RBAK: variants seen among roughly 807,000 people sequenced by gnomAD.
RBAK encodes the protein RB associated KRAB zinc finger, also known as RB-associated KRAB zinc finger protein.
A neutral mutation model predicts 65.8 loss-of-function variants in RBAK; 39 were observed. The observed-to-expected ratio is 0.59, with a 90% CI of 0.46 to 0.77. The LOEUF is 0.77. Among genes scored for constraint, RBAK ranks in the 30% least tolerant of loss-of-function variants. The probability of loss-of-function intolerance (pLI) is 0.00; values close to 1 mark genes in which losing one functional copy is unlikely to be tolerated. For missense variants in RBAK, 884 were observed against 855.1 expected (o/e 1.03, Z -0.42); for synonymous variants, 343 against 289.7 (o/e 1.18, Z -1.87).
chr7:5,062,334 G>T (rs936496393), intron 4 of RBAK, among the ~76,000 whole-genome samples: 1 of 152,128 alleles, frequency 6.6e-6, no homozygotes, highest in Non-Finnish European at 1.5e-5. Context: ...TTTAAAGCTG[G>T]GCGTCCGGGG....
At position 5,046,260 on chromosome 7, in the gene RBAK, G is replaced by T. The variant is rs1287547552; in HGVS notation, c.-181G>T. On this transcript the variant is annotated 5_prime_UTR_variant, in exon 1 of 5. Transcript: ENST00000396912. ...CGCCTGGATTTGCCCCTTAGGCCCGGCCCGGGCCCCTCGGGAGCAGAACAA... is the reference window on the plus strand; with the variant it reads ...CGCCTGGATTTGCCCCTTAGGCCCGTCCCGGGCCCCTCGGGAGCAGAACAA... The T allele has an allele frequency of 3.9e-6, 2 of 515,632 alleles. No individual in the cohort carries two copies. The highest frequency in any genetic ancestry group is 1.9e-5 in the African/African-American group (1 of 51,886). 31.9% of individuals were successfully genotyped at this position (515,632 alleles called of 1,614,324 possible).
chr7:5,064,085 G>C lies in RBAK; in HGVS notation c.629G>C (p.Cys210Ser). The change falls in exon 5 of 5, where the codon TGC (cysteine) becomes TCC (serine). Residue 210 changes from cysteine to serine, a missense_variant. Transcript: ENST00000396912. This position sits in a 1 kb window ranked among gnomAD's most constrained non-coding sequence, Gnocchi z 6.3. ...ILEKPFEYNECMEALDNEAVF... is the reference protein window; with the variant it reads ...ILEKPFEYNESMEALDNEAVF... ...GAGAAACCCTTTGAATATAATGAAT[G>C]CATGGAAGCCTTAGACAATGAGGCT... The C allele has an allele frequency of 6.2e-7, 1 of 1,613,866 alleles. No homozygotes were observed. Among genetic ancestry groups the C allele is most frequent in the Non-Finnish European group, 8.5e-7 (1 of 1,180,000 alleles).
chr7:5,058,667 C>T (rs1562537294), intron 4 of RBAK, among the ~76,000 whole-genome samples: 1 of 152,184 alleles, frequency 6.6e-6, no homozygotes, highest in Admixed American at 6.5e-5. Flanking sequence ...TTCCCCACTG[C>T]TCATGACCCG....
chr7:5,045,911 G>T lies in RBAK; in HGVS notation c.-530G>T. 1 of 351,710 alleles carries T rather than the reference G, an allele frequency of 2.8e-6. No individual in the cohort carries two copies. Among genetic ancestry groups the T allele is most frequent in the Non-Finnish European group, 5.4e-6 (1 of 183,820 alleles). The allele number at this position is 351,710 out of a possible 1,614,324, so 21.8% of individuals were successfully genotyped here. On this transcript the variant is annotated 5_prime_UTR_variant, in exon 1 of 5. The change creates a new upstream start codon in the 5' untranslated region. Transcript: ENST00000396912. ...AGGTCACCGCTTGCTCTAGTTCCCAGGCTTTGGCCTCCAGTGGACGAGAAT... is the reference window on the plus strand; with the variant it reads ...AGGTCACCGCTTGCTCTAGTTCCCATGCTTTGGCCTCCAGTGGACGAGAAT...
chr7:5,064,580 G>A lies in RBAK; in HGVS notation c.1124G>A (p.Cys375Tyr), dbSNP rs776213973. The A allele has an allele frequency of 6.2e-7, 1 of 1,614,102 alleles. No homozygotes were observed. The highest frequency in any genetic ancestry group is 8.5e-7 in the Non-Finnish European group (1 of 1,179,990). The change falls in exon 5 of 5, where the codon TGT becomes TAT. Residue 375 changes from cysteine to tyrosine, a missense_variant. Transcript: ENST00000396912. The surrounding 1 kb of genome is among the most constrained non-coding windows in gnomAD (Gnocchi z 6.3). ...CATTCAGGAGAGAGGCCCTATCCAT[G>A]TAACGAATGTGGGAAATCCTTCTCC... ...RNHSGERPYP[C>Y]NECGKSFSRK...
At position 5,057,381 on chromosome 7, in the gene RBAK, G is replaced by T. The variant is rs1354107492; in HGVS notation, c.102G>T (p.Arg34Ser). Residue 34 changes from arginine to serine, a missense_variant, in exon 3 of 5, where the codon AGG (arginine) becomes AGT (serine). By Grantham distance (110) the Arg-to-Ser change is moderately radical. Coordinates refer to ENST00000396912, the MANE Select transcript of RBAK (RefSeq NM_021163.4). ...QLDPDEKITY[R>S]DVMLENYSHL... ...ACCCTGATGAGAAGATAACTTACAG[G>T]GATGTGATGTTGGAGAACTATAGCC... 1.9e-6 allele frequency: 3 copies of T among 1,613,920 alleles called. No homozygotes were observed. Among genetic ancestry groups the T allele is most frequent in the African/African-American group, 1.3e-5 (1 of 74,838 alleles).
chr7:5,048,519 G>A lies in RBAK; in HGVS notation c.15+428G>A, dbSNP rs983191214. On this transcript the variant is annotated intron_variant, in intron 2 of 4. Coordinates refer to ENST00000396912, the MANE Select transcript of RBAK (RefSeq NM_021163.4). The surrounding 1 kb of genome is among the most constrained non-coding windows in gnomAD (Gnocchi z 4.4). Reference sequence around the variant, plus strand: ...GGAATGTGGAAATAGACATTGTCCTGTAAAATATAGTTAGTGTGGCAGATC... The same window carrying A: ...GGAATGTGGAAATAGACATTGTCCTATAAAATATAGTTAGTGTGGCAGATC... Among the ~76,000 whole-genome samples the A allele has an allele frequency of 4.6e-5, 7 of 152,204 alleles. No homozygotes were observed. Among genetic ancestry groups the A allele is most frequent in the Non-Finnish European group, 8.8e-5 (6 of 68,038 alleles).
At chr7:5,046,560 T>C (rs1364241439) in intron 1 of RBAK, among the ~76,000 whole-genome samples, 164 bp downstream of exon 1, 7 of 152,164 alleles carry the variant, frequency 4.6e-5, no homozygotes, top group Admixed American at 3.9e-4. Context: ...AGGCGCTGCA[T>C]GGGAAATCTG....
chr7:5,051,318 G>A (rs923850789), intron 2 of RBAK, among the ~76,000 whole-genome samples: 1 of 151,992 alleles, frequency 6.6e-6, no homozygotes, highest in African/African-American at 2.4e-5. Context: ...TCATTTATAT[G>A]CATATATACA....
In RBAK at chr7:5,064,578, A is replaced by G. The variant is rs770292911; in HGVS notation, c.1122A>G (p.Pro374=). 11 of 1,613,952 alleles carry G rather than the reference A, an allele frequency of 6.8e-6. No individual in the cohort carries two copies. Among genetic ancestry groups the G allele is most frequent in the East Asian group, 4.5e-5 (2 of 44,884 alleles). ...ATCATTCAGGAGAGAGGCCCTATCC[A>G]TGTAACGAATGTGGGAAATCCTTCT... ...QRNHSGERPY[P]CNECGKSFSR... Residue 374 remains proline, a synonymous_variant, in exon 5 of 5, where the codon CCA becomes CCG. Transcript: ENST00000396912. This position sits in a 1 kb window ranked among gnomAD's most constrained non-coding sequence, Gnocchi z 6.3.
Position 5,065,321 on chromosome 7 carries a change from C to G in RBAK, c.1865C>G (p.Pro622Arg). The G allele has an allele frequency of 6.2e-7, 1 of 1,613,816 alleles. No homozygotes were observed. Residue 622 changes from proline to arginine, a missense_variant, in exon 5 of 5, where the codon CCC (proline) becomes CGC (arginine). Physicochemically the swap from Pro to Arg is moderately radical, Grantham distance 103. Coordinates refer to ENST00000396912, the MANE Select transcript of RBAK (RefSeq NM_021163.4). The surrounding 1 kb of genome is among the most constrained non-coding windows in gnomAD (Gnocchi z 5.3). ...IHHRIHSGEK[P>R]YECSKCGKVF... ...CATCGAATTCATTCAGGAGAGAAAC[C>G]CTATGAATGTAGTAAATGTGGAAAA...
chr7:5,058,809 T>C (rs1779000588), intron 4 of RBAK, among the ~76,000 whole-genome samples: 2 of 152,272 alleles, frequency 1.3e-5, no homozygotes, highest in Non-Finnish European at 2.9e-5. Flanking sequence ...CCCTAGGACC[T>C]GTTTTCCACT....
At position 5,048,895 on chromosome 7, in the gene RBAK, G is replaced by A. The variant is rs1040176630; in HGVS notation, c.15+804G>A. ...GCGCTACACACTTTTAAACAACCAC[G>A]TCTTGTGATAAGTCACTGAGTGTCA... On this transcript the variant is annotated intron_variant, in intron 2 of 4. Transcript: ENST00000396912. This position sits in a 1 kb window ranked among gnomAD's most constrained non-coding sequence, Gnocchi z 4.4. Among the ~76,000 whole-genome samples, 1 of 152,124 alleles carries A rather than the reference G, an allele frequency of 6.6e-6. No homozygotes were observed. The highest frequency in any genetic ancestry group is 2.4e-5 in the African/African-American group (1 of 41,412).
chr7:5,047,589 C>A (rs1788018245), intron 1 of RBAK, among the ~76,000 whole-genome samples: 1 of 140,306 alleles, frequency 7.1e-6, no homozygotes, highest in Non-Finnish European at 1.5e-5. Flanking sequence ...GCCTATCACT[C>A]TTTTTCACTC....
chr7:5,056,533 A>G (rs1309239532), intron 2 of RBAK, among the ~76,000 whole-genome samples: 2 of 152,160 alleles, frequency 1.3e-5, no homozygotes, highest in African/African-American at 2.4e-5. Flanking sequence ...AAAGACTTCA[A>G]GTTAACTGAG....
intron 4 of RBAK, 36 bp downstream of exon 4, chr7:5,057,815 C>A (rs764392941): frequency 1.5e-5 from 24 of 1,611,650 alleles, no homozygotes; most frequent in Non-Finnish European, 2.0e-5. Flanking sequence ...AAAAAATGCT[C>A]ATCCCAGACC....
At chr7:5,051,152 T>C (rs888052156) in intron 2 of RBAK, among the ~76,000 whole-genome samples, 1 of 152,208 alleles carries the variant, frequency 6.6e-6, no homozygotes, top group African/African-American at 2.4e-5. Context: ...ATAGCAAATC[T>C]ATACATACAA....
intron 4 of RBAK, among the ~76,000 whole-genome samples, chr7:5,063,302 C>T (rs1281249620): frequency 2.0e-5 from 3 of 152,242 alleles, no homozygotes; most frequent in Non-Finnish European, 2.9e-5. Context: ...TCTAAGTCCT[C>T]CCATCTTTGC....
rs374177843 is a variant in RBAK at position 5,064,023 on chromosome 7, C to T, written c.567C>T (p.His189=). ...ATCAAAATGGGGATACCTATTCTCA[C>T]AATGAAGAAAATATTCTTCAGAAAA... is the stretch of plus-strand genomic sequence containing the variant. The part of the protein sequence containing the change: ...EFNQNGDTYS[H]NEENILQKIS... The change falls in exon 5 of 5, where the codon CAC becomes CAT. Residue 189 remains histidine, a synonymous_variant. Transcript: ENST00000396912. This position sits in a 1 kb window ranked among gnomAD's most constrained non-coding sequence, Gnocchi z 6.3. The T allele has an allele frequency of 5.4e-5, 87 of 1,613,004 alleles. No homozygotes were observed. The highest frequency in any genetic ancestry group is 7.3e-5 in the Non-Finnish European group (86 of 1,179,690).
Sources: gnomAD v4.1 joint callset for allele counts (sites outside exome capture counted in the v4.1 genomes callset) on GRCh38, gnomAD v4.1.1 for gene constraint, Gnocchi (gnomAD v3.1) non-coding constraint, MANE v1.5 for transcripts, NCBI Gene and HGNC (gene_info 2026-07-23, HGNC 2026-07-21) for gene names.